The following TRAPPC11 variants were observed in gnomAD, a reference collection of about 807,000 sequenced individuals.
TRAPPC11 encodes foie gras homolog.
TRAPPC11 carries 104 observed loss-of-function variants against 151.2 expected under a neutral mutation model. The observed-to-expected ratio is 0.69, with a 90% CI of 0.59 to 0.81. The LOEUF (loss-of-function observed/expected upper bound fraction) is 0.81, where lower values mean the gene tolerates loss of function less well. Among genes scored for constraint, TRAPPC11 ranks in the 30% least tolerant of loss-of-function variants. The pLI is 0.00. For missense variants in TRAPPC11, 1,230 were observed against 1,349.6 expected (o/e 0.91, Z 1.39); for synonymous variants, 456 against 472.3 (o/e 0.97, Z 0.45).
chr4:183,674,449 T>C (rs1480349551), intron 5 of TRAPPC11, among the ~76,000 whole-genome samples: 1 of 150,566 alleles, frequency 6.6e-6, no homozygotes, highest in Non-Finnish European at 1.5e-5. Flanking sequence ...AAAAAAAGAT[T>C]ACCAAGTTTT....
intron 28 of TRAPPC11, 86 bp downstream of exon 28, chr4:183,707,026 C>G (rs1737108243): frequency 6.9e-7 from 1 of 1,455,246 alleles, no homozygotes. Context: ...TATGAATGAA[C>G]TGAGTAAAGC....
At chr4:183,691,173 T>A (rs1736238778) in intron 18 of TRAPPC11, 143 bp from the exon 19 acceptor site, 2 of 532,552 alleles carry the variant, frequency 3.8e-6, no homozygotes, top group Non-Finnish European at 6.1e-6. Context: ...TGCCTCTATT[T>A]GGCATAAAAA....
At chr4:183,690,783 C>T (rs903953671) in intron 18 of TRAPPC11, among the ~76,000 whole-genome samples, 4 of 152,044 alleles carry the variant, frequency 2.6e-5, no homozygotes, top group African/African-American at 7.3e-5. Flanking sequence ...GCTTGGGCAA[C>T]GTAGTGAGAC....
chr4:183,667,985 G>C lies in TRAPPC11; in HGVS notation c.446-18G>C. On this transcript the variant is annotated intron_variant, in intron 4 of 29. Coordinates refer to ENST00000334690, the MANE Select transcript of TRAPPC11 (RefSeq NM_021942.6). ...AGTTATTTTATTTCTCATTCATCTTGATGGGGATTATCAACAGGAGAAGAT... is the reference window on the plus strand; with the variant it reads ...AGTTATTTTATTTCTCATTCATCTTCATGGGGATTATCAACAGGAGAAGAT... 7.1e-7 allele frequency: 1 copy of C among 1,399,182 alleles called. No individual in the cohort carries two copies. Among genetic ancestry groups the C allele is most frequent in the Non-Finnish European group, 1.0e-6 (1 of 986,106 alleles). The allele number at this position is 1,399,182 out of a possible 1,614,324, so 86.7% of individuals were successfully genotyped here. A position where few individuals can be genotyped will look rare whatever the true frequency, so the allele number is the denominator to read the frequency against.
In TRAPPC11 at chr4:183,680,383, TA is replaced by T. The variant is rs561409796; in HGVS notation, c.1113+117del. On this transcript the variant is annotated intron_variant, in intron 10 of 29. Transcript: ENST00000334690. ...CAAGTCTTTAAATTTAATTAGTTTT[TA>T]TTTTTTATAGCTTTAGGAATTACAT... 90 of 1,142,752 alleles carry T rather than the reference TA, an allele frequency of 7.9e-5. 1 individual carries two copies. The African/African-American group carries it at 1.2e-3, about 16-fold the overall frequency. The allele number at this position is 1,142,752 out of a possible 1,614,324, so 70.8% of individuals were successfully genotyped here.
chr4:183,674,919 A>G, intron 6 of TRAPPC11, 107 bp downstream of exon 6: 1 of 690,954 alleles, frequency 1.4e-6, no homozygotes, highest in African/African-American at 1.9e-5. Flanking sequence ...TGGTTTCAGC[A>G]TTTCTAAAGT....
rs534517261 is a variant in TRAPPC11, at chr4:183,692,451, C to T, written c.2050-509C>T. On this transcript the variant is annotated intron_variant, in intron 19 of 29. Coordinates refer to ENST00000334690, the MANE Select transcript of TRAPPC11 (RefSeq NM_021942.6). ...TTTTCATGGTACCTAAGGGAACCTACCAGACATAAATAATAATTAGTAATT... is the reference window on the plus strand; with the variant it reads ...TTTTCATGGTACCTAAGGGAACCTATCAGACATAAATAATAATTAGTAATT... Among the ~76,000 whole-genome samples, 130 of 151,726 alleles carry T rather than the reference C, an allele frequency of 8.6e-4. 1 individual carries two copies. The highest frequency in any genetic ancestry group is 2.0e-3 in the Admixed American group (31 of 15,222).
chr4:183,691,204 C>G (rs538213488), intron 18 of TRAPPC11, 112 bp from the exon 19 acceptor site: 3 of 792,158 alleles, frequency 3.8e-6, no homozygotes, highest in East Asian at 3.0e-5. Context: ...TTATTAGTAA[C>G]CCTTCATAAT....
At chr4:183,708,696 A>G (rs1056638053) in intron 29 of TRAPPC11, 122 bp downstream of exon 29, 7 of 868,148 alleles carry the variant, frequency 8.1e-6, no homozygotes, top group African/African-American at 5.2e-5. Context: ...GCCTTTTATT[A>G]TATGTATTTG....
At chr4:183,681,508 C>T (rs528905282) in intron 10 of TRAPPC11, among the ~76,000 whole-genome samples, 6 of 152,208 alleles carry the variant, frequency 3.9e-5, no homozygotes, top group South Asian at 2.1e-4. Context: ...GGGCCGGGTG[C>T]GGTGGCTCAC....
At chr4:183,686,166 T>G (rs1735954888) in intron 17 of TRAPPC11, among the ~76,000 whole-genome samples, 1 of 152,156 alleles carries the variant, frequency 6.6e-6, no homozygotes, top group Admixed American at 6.5e-5. Context: ...AGATAGAGCC[T>G]TGCTCTGTCA....
Position 183,693,947 on chromosome 4 carries a change from A to AC in TRAPPC11, c.2418dup (p.Val807ArgfsTer10). ...GATGCCAATTTAACTCAGAAGACTC[A>AC]CGTGACTCTTCATGGAACAGAACTG... On this transcript the variant is annotated frameshift_variant, in exon 22 of 30. Coordinates refer to ENST00000334690, the MANE Select transcript of TRAPPC11 (RefSeq NM_021942.6). LOFTEE classifies it high-confidence loss of function. 6.2e-7 allele frequency: 1 copy of AC among 1,613,910 alleles called. No individual in the cohort carries two copies. Among genetic ancestry groups the AC allele is most frequent in the Non-Finnish European group, 8.5e-7 (1 of 1,179,800 alleles).
chr4:183,661,630 C>T (rs1003253581), intron 1 of TRAPPC11, among the ~76,000 whole-genome samples: 12 of 152,052 alleles, frequency 7.9e-5, no homozygotes, highest in African/African-American at 1.4e-4. Context: ...CTCGGCCTCC[C>T]AAAGTGCTGG....
chr4:183,689,813 A>G (rs1329865242), intron 18 of TRAPPC11, among the ~76,000 whole-genome samples: 1 of 151,098 alleles, frequency 6.6e-6, no homozygotes, highest in Non-Finnish European at 1.5e-5. Flanking sequence ...AACAAAAAAT[A>G]TAAGCTACTA....
rs769088845 is a variant in TRAPPC11 at position 183,701,770 on chromosome 4, T to G, written c.2925T>G (p.Gly975=). 37 of 1,613,924 alleles carry G rather than the reference T, an allele frequency of 2.3e-5. No individual in the cohort carries two copies. In the East Asian group the frequency reaches 8.0e-4, roughly 35 times the overall value. ...GCCCATCTCTTGGAAATATTGAAGG[T>G]GGAGTAGCAACCGGGCATTATATTA... ...LQCPSLGNIE[G]GVATGHYIIS... is the part of the protein sequence containing the mutation. The change falls in exon 26 of 30, where the codon GGT becomes GGG. Residue 975 remains glycine (G), a synonymous_variant. Coordinates refer to ENST00000334690, the MANE Select transcript of TRAPPC11 (RefSeq NM_021942.6).
intron 17 of TRAPPC11, among the ~76,000 whole-genome samples, chr4:183,685,816 T>G (rs922655084): frequency 3.3e-5 from 5 of 152,064 alleles, no homozygotes; most frequent in African/African-American, 1.2e-4. Flanking sequence ...TTATTTTATA[T>G]TATTTATTTG....
intron 22 of TRAPPC11, 151 bp from the exon 23 acceptor site, chr4:183,694,453 A>T (rs1736426766): frequency 1.3e-6 from 1 of 790,330 alleles, no homozygotes; most frequent in African/African-American, 1.7e-5. Flanking sequence ...GGGAGCATTG[A>T]TGAGTTACAT....
chr4:183,659,666 C>T (rs1316109268), intron 1 of TRAPPC11, among the ~76,000 whole-genome samples: 1 of 152,224 alleles, frequency 6.6e-6, no homozygotes, highest in African/African-American at 2.4e-5. Context: ...CCTTTAGGGA[C>T]TGCAAGGTTA....
intron 29 of TRAPPC11, among the ~76,000 whole-genome samples, chr4:183,711,525 T>A (rs901870274): frequency 6.6e-6 from 1 of 152,138 alleles, no homozygotes; most frequent in African/African-American, 2.4e-5. Flanking sequence ...ATTGAGCAGC[T>A]CCCATCAGTA....
Sources: allele counts gnomAD v4.1 joint callset (sites outside exome capture counted in the v4.1 genomes callset), GRCh38; gene constraint gnomAD v4.1.1; transcripts MANE v1.5; gene names NCBI Gene and HGNC (gene_info 2026-07-23, HGNC 2026-07-21).